MRM1: variants seen among roughly 807,000 people sequenced by gnomAD.
MRM1 encodes mitochondrial rRNA methyltransferase 1.
In MRM1, 24 loss-of-function variants were observed where a neutral mutation model predicts 25.0. The ratio of observed to expected loss-of-function variants is 0.96; its 90% CI spans 0.69 to 1.35. MRM1 has a LOEUF of 1.35. MRM1 is among the 40% of genes most tolerant of loss of function. The pLI, the probability that MRM1 is intolerant of heterozygous loss-of-function variation, is 0.00. For missense variants in MRM1, 431 were observed against 464.1 expected (o/e 0.93, Z 0.65); for synonymous variants, 188 against 199.2 (o/e 0.94, Z 0.47).
chr17:36,608,544 G>C lies in MRM1; in HGVS notation c.*129G>C, dbSNP rs545817849. ...CATGTTTATTGACCACAGTCTGGGG[G>C]GGGGGGAAGGGGACTGCGGTGGACA... is the stretch of plus-strand genomic sequence containing the variant. On this transcript the variant is annotated 3_prime_UTR_variant, in exon 5 of 5. Coordinates refer to ENST00000614766, the MANE Select transcript of MRM1 (RefSeq NM_024864.5). 32 of 515,956 alleles carry C rather than the reference G, an allele frequency of 6.2e-5. 2 individuals carry two copies. Among genetic ancestry groups the C allele is most frequent in the East Asian group, 1.2e-4 (3 of 25,976 alleles). The allele number at this position is 515,956 out of a possible 1,614,324, so 32.0% of individuals were successfully genotyped here.
chr17:36,622,708 G>A, the MRM1 span, among the ~76,000 whole-genome samples: 1 of 152,208 alleles, frequency 6.6e-6, no homozygotes, highest in African/African-American at 2.4e-5. Flanking sequence ...ATACTTGCCT[G>A]GTGAGTCTGG....
the MRM1 span, among the ~76,000 whole-genome samples, chr17:36,626,800 G>A: frequency 2.0e-5 from 3 of 152,332 alleles, no homozygotes; most frequent in South Asian, 6.2e-4. Flanking sequence ...GGCCTGTAAG[G>A]GGAAGGGTTG....
the MRM1 span, among the ~76,000 whole-genome samples, chr17:36,616,396 T>C: frequency 1.3e-5 from 2 of 152,228 alleles, no homozygotes; most frequent in Non-Finnish European, 2.9e-5. Context: ...AGGGAGCTAA[T>C]TGAGGCTGAG....
chr17:36,610,097 A>AT (rs577686745), downstream of MRM1, among the ~76,000 whole-genome samples: 162 of 146,126 alleles, frequency 1.1e-3, no homozygotes, highest in African/African-American at 3.0e-3. Context: ...TAATTTTTAT[A>AT]TTTTTTTTTT....
the MRM1 span, among the ~76,000 whole-genome samples, chr17:36,615,659 C>CA: frequency 0.013 from 1,446 of 108,910 alleles, 16 homozygotes; most frequent in African/African-American, 0.037. Flanking sequence ...AACTCCGTCT[C>CA]AAAAAAAAAA....
downstream of MRM1, among the ~76,000 whole-genome samples, chr17:36,610,749 TCAGAAGCC>T (rs1056437209): frequency 6.3e-4 from 96 of 152,294 alleles, no homozygotes; most frequent in African/African-American, 2.2e-3. Flanking sequence ...TTTTAATATT[TCAGAAGCC>T]CAGAGGCACC....
At position 36,601,978 on chromosome 17, in the gene MRM1, C is replaced by T; in HGVS notation, c.168C>T (p.Thr56=). Residue 56 remains threonine, a synonymous_variant, in exon 1 of 5, where the codon ACC becomes ACT. Coordinates refer to ENST00000614766, the MANE Select transcript of MRM1 (RefSeq NM_024864.5). ...GGCTGGAGCTTCTGTTTGGCATGAC[C>T]CCGTGTCTCCTGGCTCTGCAGGCCG... The part of the protein sequence containing the change: ...TSRLELLFGM[T]PCLLALQAAR... The T allele has an allele frequency of 1.2e-6, 2 of 1,612,316 alleles. No individual in the cohort carries two copies. The highest frequency in any genetic ancestry group is 1.7e-6 in the Non-Finnish European group (2 of 1,179,682).
chr17:36,602,630 T>C lies in MRM1; in HGVS notation c.620T>C (p.Leu207Pro). The change falls in exon 2 of 5, where the codon CTC (leucine) becomes CCC (proline). Residue 207 changes from leucine (L) to proline (P), a missense_variant. Coordinates refer to ENST00000614766, the MANE Select transcript of MRM1 (RefSeq NM_024864.5). The surrounding 1 kb of genome is among the most constrained non-coding windows in gnomAD (Gnocchi z 4.1). ...EVMDVFSTDD[L>P]TGFLQTKAQQ... ...ATGGACGTGTTCTCCACTGATGACC[T>C]CACCGGATTTTTACAGGTAATGAGG... 6.2e-7 allele frequency: 1 copy of C among 1,614,058 alleles called. No homozygotes were observed. The highest frequency in any genetic ancestry group is 8.5e-7 in the Non-Finnish European group (1 of 1,180,010).
intron 2 of MRM1, among the ~76,000 whole-genome samples, chr17:36,603,624 C>T (rs2074902258): frequency 6.6e-6 from 1 of 151,976 alleles, no homozygotes; most frequent in South Asian, 2.1e-4. Flanking sequence ...TTCTTGAACT[C>T]GTGACCTTAA....
At chr17:36,627,682 T>TC in the MRM1 span, among the ~76,000 whole-genome samples, 4 of 146,138 alleles carry the variant, frequency 2.7e-5, no homozygotes, top group Admixed American at 1.4e-4. Flanking sequence ...CTGTTTTTTT[T>TC]TTTTTTTTTT....
the MRM1 span, among the ~76,000 whole-genome samples, chr17:36,631,658 T>A: frequency 6.6e-6 from 1 of 152,186 alleles, no homozygotes; most frequent in Non-Finnish European, 1.5e-5. Flanking sequence ...AGCTGTCAGA[T>A]GGATGGATAT....
chr17:36,616,943 C>T, the MRM1 span, among the ~76,000 whole-genome samples: 2 of 152,042 alleles, frequency 1.3e-5, no homozygotes, highest in South Asian at 2.1e-4. Context: ...CCAGGCTGGC[C>T]TTGAACTCCT....
Position 36,608,406 on chromosome 17 carries a change from T to C in MRM1, c.1053T>C (p.Asn351=). Reference sequence around the variant, plus strand: ...CAGGCCCAGAGAAAGAGAGGCAAAATGAGGGCTGACGTGGACTGTCCACAG... The same window carrying C: ...CAGGCCCAGAGAAAGAGAGGCAAAACGAGGGCTGACGTGGACTGTCCACAG... ...LSSGPEKERQ[N]EG Residue 351 remains asparagine (N), a synonymous_variant, in exon 5 of 5, where the codon AAT becomes AAC. Transcript: ENST00000614766. 2 of 1,571,230 alleles carry C rather than the reference T, an allele frequency of 1.3e-6. No homozygotes were observed. The highest frequency in any genetic ancestry group is 1.7e-6 in the Non-Finnish European group (2 of 1,160,184).
chr17:36,608,745 A>T lies in MRM1; in HGVS notation c.*330A>T, dbSNP rs759621461. The T allele has an allele frequency of 3.1e-5, 9 of 287,870 alleles. No homozygotes were observed. The highest frequency in any genetic ancestry group is 5.8e-5 in the Non-Finnish European group (9 of 156,114). The allele number at this position is 287,870 out of a possible 1,614,324, so 17.8% of individuals were successfully genotyped here. On this transcript the variant is annotated 3_prime_UTR_variant, in exon 5 of 5. Coordinates refer to ENST00000614766, the MANE Select transcript of MRM1 (RefSeq NM_024864.5). ...AGAGGCAGGCAGCCCAGCCCAGGGGACCCGTTCCTCTTGAACCAGTCATTG... is the reference window on the plus strand; with the variant it reads ...AGAGGCAGGCAGCCCAGCCCAGGGGTCCCGTTCCTCTTGAACCAGTCATTG...
At chr17:36,628,904 C>T in the MRM1 span, among the ~76,000 whole-genome samples, 4 of 151,964 alleles carry the variant, frequency 2.6e-5, no homozygotes, top group Admixed American at 1.3e-4. Context: ...TTGACTCCAT[C>T]AGGCTGATCA....
At chr17:36,633,743 C>A in the MRM1 span, among the ~76,000 whole-genome samples, 1 of 152,094 alleles carries the variant, frequency 6.6e-6, no homozygotes, top group Non-Finnish European at 1.5e-5. Flanking sequence ...AGCAGGCTGG[C>A]AGAGCAGTCC....
chr17:36,602,688 C>T lies in MRM1; in HGVS notation c.636+42C>T. 1 of 1,606,202 alleles carries T rather than the reference C, an allele frequency of 6.2e-7. No individual in the cohort carries two copies. On this transcript the variant is annotated intron_variant, in intron 2 of 4. Coordinates refer to ENST00000614766, the MANE Select transcript of MRM1 (RefSeq NM_024864.5). The surrounding 1 kb of genome is among the most constrained non-coding windows in gnomAD (Gnocchi z 4.1). ...GGGGAAGGAACAGATGTGAGCCCAG[C>T]TCAGCCTCTTCAAGGGGACGAAGCT...
At chr17:36,618,340 C>G in the MRM1 span, among the ~76,000 whole-genome samples, 1 of 152,016 alleles carries the variant, frequency 6.6e-6, no homozygotes. Flanking sequence ...AGCAAGTCAG[C>G]GACAACCAAT....
the MRM1 span, among the ~76,000 whole-genome samples, chr17:36,631,657 A>G: frequency 6.6e-6 from 1 of 152,202 alleles, no homozygotes; most frequent in Non-Finnish European, 1.5e-5. Flanking sequence ...AAGCTGTCAG[A>G]TGGATGGATA....
Sources: gnomAD v4.1 joint callset for allele counts (sites outside exome capture counted in the v4.1 genomes callset) on GRCh38, gnomAD v4.1.1 for gene constraint, Gnocchi (gnomAD v3.1) non-coding constraint, MANE v1.5 for transcripts, NCBI Gene and HGNC (gene_info 2026-07-23, HGNC 2026-07-21) for gene names.